Variants in SULT6B1 observed in about 807,000 individuals in gnomAD.
SULT6B1 encodes the protein sulfotransferase 6B1.
In SULT6B1, 44 loss-of-function variants were observed where a neutral mutation model predicts 37.2. The ratio of observed to expected loss-of-function variants is 1.18; its 90% CI spans 0.93 to 1.52. SULT6B1 has a LOEUF of 1.52. Among genes scored for constraint, SULT6B1 ranks in the 40% most tolerant of loss-of-function variants. The pLI, the probability that SULT6B1 is intolerant of heterozygous loss-of-function variation, is 0.00. For synonymous variants in SULT6B1, 140 were observed against 126.0 expected, an observed-to-expected ratio of 1.11 and a Z score of -0.74; for missense variants, 450 against 361.0, an observed-to-expected ratio of 1.25 and a Z score of -2.00.
intron 1 of SULT6B1, chr2:37,196,067 T>A (rs1208232719): frequency 3.3e-5 from 5 of 152,230 alleles, no homozygotes; most frequent in African/African-American, 1.2e-4. Context: ...GATGTCGTGA[T>A]CCTCCCATCT....
intron 2 of SULT6B1, among the ~76,000 whole-genome samples, chr2:37,186,747 T>G (rs1053891008): frequency 2.0e-5 from 3 of 151,730 alleles, no homozygotes; most frequent in Non-Finnish European, 4.4e-5. Flanking sequence ...TTAAAAAAAA[T>G]TAACCAGGTG....
chr2:37,172,273 G>A (rs907141558), intron 5 of SULT6B1, among the ~76,000 whole-genome samples: 3 of 151,846 alleles, frequency 2.0e-5, no homozygotes, highest in African/African-American at 7.3e-5. Flanking sequence ...TGCTCTCAGA[G>A]TCTTTAATAG....
At chr2:37,177,112 A>T (rs769965935) in intron 4 of SULT6B1, among the ~76,000 whole-genome samples, 1 of 152,098 alleles carries the variant, frequency 6.6e-6, no homozygotes, top group Non-Finnish European at 1.5e-5. Context: ...AGGGAAACAG[A>T]TATTCCCTAA....
rs144026627 is a variant in SULT6B1, at chr2:37,174,283, G to A, written c.624+849C>T. On this transcript the variant is annotated intron_variant, in intron 5 of 6. Coordinates refer to ENST00000535679, the MANE Select transcript of SULT6B1 (RefSeq NM_001367551.1). ...AGGATCTCACTCTGTCACCCAGGCT[G>A]GAGTGTGGTGGCCTAATCATGGTTC... is the stretch of plus-strand genomic sequence containing the variant. Among the ~76,000 whole-genome samples the A allele has an allele frequency of 7.1e-3, 1,020 of 144,554 alleles. 9 individuals carry two copies. Among genetic ancestry groups the A allele is most frequent in the African/African-American group, 0.02 (774 of 38,654 alleles). 94.8% of individuals were successfully genotyped at this position (144,554 alleles called of 152,430 possible).
At chr2:37,195,794 C>T (rs1171955374) in intron 1 of SULT6B1, among the ~76,000 whole-genome samples, 2 of 151,378 alleles carry the variant, frequency 1.3e-5, no homozygotes, top group African/African-American at 4.9e-5. Context: ...AGGGATCTGG[C>T]TAAAATGCAG....
intron 6 of SULT6B1, among the ~76,000 whole-genome samples, chr2:37,170,288 G>A (rs1250854271): frequency 6.6e-6 from 1 of 151,482 alleles, no homozygotes; most frequent in Non-Finnish European, 1.5e-5. Flanking sequence ...CCAACATGGT[G>A]AAACCCCATC....
chr2:37,187,714 C>T (rs1676704724), intron 1 of SULT6B1, among the ~76,000 whole-genome samples: 1 of 152,084 alleles, frequency 6.6e-6, no homozygotes, highest in Non-Finnish European at 1.5e-5. Context: ...GACAATGCTT[C>T]ATTTTGAATC....
At chr2:37,179,397 G>A (rs1572460236) in intron 4 of SULT6B1, 61 bp downstream of exon 4, 1 of 1,597,082 alleles carries the variant, frequency 6.3e-7, no homozygotes, top group East Asian at 2.3e-5. Flanking sequence ...ACACATTTGG[G>A]TTTTCACATT....
chr2:37,168,154 T>A, intron 6 of SULT6B1, 89 bp from the exon 7 acceptor site: 1 of 1,287,382 alleles, frequency 7.8e-7, no homozygotes, highest in Non-Finnish European at 1.0e-6. Flanking sequence ...TTCACTCTGA[T>A]ATGTTAAAAT....
chr2:37,187,542 C>T (rs1676701025), intron 1 of SULT6B1, 75 bp from the exon 2 acceptor site: 3 of 836,588 alleles, frequency 3.6e-6, no homozygotes, highest in Non-Finnish European at 5.5e-6. Flanking sequence ...TTAGCATATA[C>T]ATGATAAAAA....
At position 37,188,664 on chromosome 2, in the gene SULT6B1, G is replaced by T; in HGVS notation, c.-24C>A. 2 of 847,226 alleles carry T rather than the reference G, an allele frequency of 2.4e-6. No homozygotes were observed. Among genetic ancestry groups the T allele is most frequent in the Non-Finnish European group, 3.9e-6 (2 of 515,048 alleles). 52.5% of individuals were successfully genotyped at this position (847,226 alleles called of 1,614,324 possible). ...ATGGTGGCTCCCTGTAAAAGAACCT[G>T]CTCTGTGGCTGTTCAGGGGGAGTGA... On this transcript the variant is annotated 5_prime_UTR_variant, in exon 1 of 7. Coordinates refer to ENST00000535679, the MANE Select transcript of SULT6B1 (RefSeq NM_001367551.1).
At chr2:37,177,258 C>T (rs907913013) in intron 4 of SULT6B1, among the ~76,000 whole-genome samples, 31 of 151,238 alleles carry the variant, frequency 2.0e-4, no homozygotes, top group African/African-American at 6.5e-4. Flanking sequence ...GGCCCCATCT[C>T]TACAAAAAGA....
intron 3 of SULT6B1, among the ~76,000 whole-genome samples, chr2:37,181,352 C>A (rs1414348107): frequency 6.6e-6 from 1 of 152,160 alleles, no homozygotes; most frequent in Non-Finnish European, 1.5e-5. Context: ...AAATTCCCCA[C>A]GTCAACGTCT....
intron 3 of SULT6B1, among the ~76,000 whole-genome samples, chr2:37,181,610 G>T (rs921712031): frequency 2.9e-5 from 4 of 138,648 alleles, no homozygotes; most frequent in African/African-American, 1.0e-4. Context: ...TGAACTCCTG[G>T]GCTCAAGCGA....
intron 2 of SULT6B1, 41 bp downstream of exon 2, chr2:37,187,314 T>C (rs1676694982): frequency 7.8e-7 from 1 of 1,289,582 alleles, no homozygotes; most frequent in African/African-American, 1.5e-5. Context: ...GAAATCTTTC[T>C]ATGATAATTT....
At chr2:37,189,319 C>T (rs1172910146), upstream of SULT6B1, among the ~76,000 whole-genome samples, 20 of 152,192 alleles carry the variant, frequency 1.3e-4, no homozygotes, top group Admixed American at 1.3e-3. Context: ...CTTGCCTCCT[C>T]AGAAGAAAGA....
At chr2:37,184,597 T>A (rs1444477368) in intron 2 of SULT6B1, among the ~76,000 whole-genome samples, 1 of 152,218 alleles carries the variant, frequency 6.6e-6, no homozygotes, top group Non-Finnish European at 1.5e-5. Context: ...CAGATGTTTG[T>A]AGCCAATTGT....
chr2:37,188,893 A>G (rs954003990), upstream of SULT6B1, among the ~76,000 whole-genome samples: 6 of 152,364 alleles, frequency 3.9e-5, no homozygotes, highest in South Asian at 2.1e-4. Context: ...AACCTGCCCA[A>G]TGAAAGTAAG....
intron 3 of SULT6B1, among the ~76,000 whole-genome samples, chr2:37,181,058 A>C (rs1440942528): frequency 1.3e-5 from 2 of 152,236 alleles, no homozygotes; most frequent in Non-Finnish European, 2.9e-5. Context: ...TGTAAATAAC[A>C]TGAAAGTGGG....
Sources: gnomAD v4.1 joint callset for allele counts (sites outside exome capture counted in the v4.1 genomes callset) on GRCh38, gnomAD v4.1.1 for gene constraint, MANE v1.5 for transcripts, NCBI Gene and HGNC (gene_info 2026-07-23, HGNC 2026-07-21) for gene names.